The following CPXM2 variants were observed in gnomAD, a reference collection of about 807,000 sequenced individuals.
The protein encoded by CPXM2 is carboxypeptidase X, M14 family member 2.
A neutral mutation model predicts 86.1 loss-of-function variants in CPXM2; 66 were observed. The ratio of observed to expected loss-of-function variants is 0.77; its 90% confidence interval spans 0.63 to 0.94. The LOEUF (loss-of-function observed/expected upper bound fraction) is 0.94. Among genes scored for constraint, CPXM2 ranks in the 40% least tolerant of loss-of-function variants. The probability of loss-of-function intolerance (pLI) is 0.00; values close to 1 mark genes in which losing one functional copy is unlikely to be tolerated. For synonymous variants in CPXM2, 388 were observed against 400.2 expected, an observed-to-expected ratio of 0.97 and a Z score of 0.36; for missense variants, 948 against 1,026.3, an observed-to-expected ratio of 0.92 and a Z score of 1.04.
At chr10:123,806,291 T>C (rs1847577040) in intron 4 of CPXM2, among the ~76,000 whole-genome samples, 1 of 152,214 alleles carries the variant, frequency 6.6e-6, no homozygotes, top group Admixed American at 6.5e-5. Flanking sequence ...AAAATTTTGA[T>C]TTTATTGGCT....
At chr10:123,818,971 A>G (rs567280494) in intron 4 of CPXM2, among the ~76,000 whole-genome samples, 1 of 152,258 alleles carries the variant, frequency 6.6e-6, no homozygotes, top group East Asian at 1.9e-4. Context: ...TCCTGTTCCC[A>G]CGACATTACG....
intron 2 of CPXM2, among the ~76,000 whole-genome samples, chr10:123,920,332 G>A (rs991143268): frequency 1.3e-5 from 2 of 151,880 alleles, no homozygotes; most frequent in African/African-American, 4.8e-5. Flanking sequence ...TTCAGATGAA[G>A]GAAAACTAAG....
At chr10:123,879,373 T>C (rs1945044486) in intron 2 of CPXM2, among the ~76,000 whole-genome samples, 2 of 152,152 alleles carry the variant, frequency 1.3e-5, no homozygotes, top group African/African-American at 4.8e-5. Flanking sequence ...AATCAGAAAA[T>C]CTTGGGTTCA....
At chr10:123,937,470 A>AACAC (rs201368456) in intron 2 of CPXM2, among the ~76,000 whole-genome samples, 10,531 of 132,396 alleles carry the variant, frequency 0.08, 526 homozygotes, top group Non-Finnish European at 0.1. Flanking sequence ...ACAACAAAAC[A>AACAC]ACACACACAC....
intron 1 of CPXM2, among the ~76,000 whole-genome samples, chr10:123,881,990 A>G (rs1945100665): frequency 6.6e-6 from 1 of 152,262 alleles, no homozygotes. Context: ...CTGTGGAGAA[A>G]GAAACTTAGC....
At chr10:123,837,422 G>A (rs552907949) in intron 4 of CPXM2, among the ~76,000 whole-genome samples, 3 of 152,274 alleles carry the variant, frequency 2.0e-5, no homozygotes, top group Admixed American at 2.0e-4. Context: ...GAATCATTTT[G>A]TCGATTAAAG....
chr10:123,830,966 A>G (rs963470681), intron 4 of CPXM2, among the ~76,000 whole-genome samples: 1 of 151,386 alleles, frequency 6.6e-6, no homozygotes. Context: ...TGGCTCTGCC[A>G]TGTTCTCAGT....
At chr10:123,761,272 G>A (rs1430556808) in intron 11 of CPXM2, among the ~76,000 whole-genome samples, 2 of 152,184 alleles carry the variant, frequency 1.3e-5, no homozygotes, top group South Asian at 2.1e-4. Flanking sequence ...CCCGCTGGCC[G>A]CTGGAGGACA....
In CPXM2 at chr10:123,788,071, G is replaced by C. The variant is rs553088498; in HGVS notation, c.890-7816C>G. Among the ~76,000 whole-genome samples, 13 of 151,980 alleles carry C rather than the reference G, an allele frequency of 8.6e-5. No individual in the cohort carries two copies. In the South Asian group the frequency reaches 2.3e-3, roughly 27 times the overall value. On this transcript the variant is annotated intron_variant, in intron 6 of 13. Transcript: ENST00000241305. ...GAGGCGGGTGGATCACCTGAGGTAA[G>C]GAGTTCAAGACCAGCCTGGCCAACA...
At chr10:123,882,494 T>C (rs1945109028) in intron 1 of CPXM2, among the ~76,000 whole-genome samples, 1 of 152,152 alleles carries the variant, frequency 6.6e-6, no homozygotes, top group African/African-American at 2.4e-5. Context: ...TAACTTTTGA[T>C]AAGGCTGAGT....
chr10:123,886,563 A>G (rs1008023834), intron 1 of CPXM2, among the ~76,000 whole-genome samples: 2 of 152,170 alleles, frequency 1.3e-5, no homozygotes, highest in South Asian at 2.1e-4. Context: ...CCCCCTCTGC[A>G]AATTCCACGG....
chr10:123,868,793 G>C (rs1326313537), intron 2 of CPXM2, among the ~76,000 whole-genome samples: 1 of 152,056 alleles, frequency 6.6e-6, no homozygotes, highest in Non-Finnish European at 1.5e-5. Context: ...GTGACCGGCA[G>C]GTGCAGCAGA....
At chr10:123,849,181 G>GT (rs1554885102) in intron 3 of CPXM2, among the ~76,000 whole-genome samples, 2 of 152,018 alleles carry the variant, frequency 1.3e-5, no homozygotes, top group East Asian at 3.9e-4. Flanking sequence ...CTATTGATCG[G>GT]TTTTGTGTTT....
In CPXM2 at chr10:123,770,925, G is replaced by T; in HGVS notation, c.1093C>A (p.His365Asn). 1 of 1,609,500 alleles carries T rather than the reference G, an allele frequency of 6.2e-7. No individual in the cohort carries two copies. Among genetic ancestry groups the T allele is most frequent in the Non-Finnish European group, 8.5e-7 (1 of 1,178,738 alleles). ...GAGGGGCCCTTCTCACCGACTTCAT[G>T]CTCCCCAGGGTGATCTGAGATCTCC... ...AVEISDHPGE[H>N]EVGEPEFHYI... The change falls in exon 8 of 14, where the codon CAT (histidine) becomes AAT (asparagine). Residue 365 changes from histidine (H) to asparagine (N), a missense_variant. By Grantham distance (68) the His-to-Asn change is moderately conservative. Transcript: ENST00000241305.
intron 2 of CPXM2, among the ~76,000 whole-genome samples, chr10:123,874,186 G>A (rs76906393): frequency 0.04 from 6,137 of 152,056 alleles, 170 homozygotes; most frequent in East Asian, 0.11. Context: ...TCTAAAAGCC[G>A]AGAAGTCCAA....
At chr10:123,907,799 C>T (rs1945456114) in intron 2 of CPXM2, among the ~76,000 whole-genome samples, 1 of 152,166 alleles carries the variant, frequency 6.6e-6, no homozygotes, top group African/African-American at 2.4e-5. Context: ...GGCACCATCC[C>T]TGCCTTCATG....
intron 2 of CPXM2, among the ~76,000 whole-genome samples, chr10:123,867,866 T>C (rs1944821741): frequency 6.6e-6 from 1 of 152,144 alleles, no homozygotes; most frequent in South Asian, 2.1e-4. Flanking sequence ...CTACTCAATG[T>C]CCAAAATGAA....
intron 2 of CPXM2, among the ~76,000 whole-genome samples, chr10:123,902,117 G>A (rs1402807386): frequency 3.9e-5 from 6 of 152,182 alleles, no homozygotes. Context: ...CTCTTATTGG[G>A]GGTGAAGGGT....
At chr10:123,832,950 G>C (rs956330263) in intron 4 of CPXM2, among the ~76,000 whole-genome samples, 1 of 152,160 alleles carries the variant, frequency 6.6e-6, no homozygotes, top group Non-Finnish European at 1.5e-5. Flanking sequence ...TTCCGCCATG[G>C]GAGGAGGACA....
Sources: gnomAD v4.1 joint callset for allele counts (sites outside exome capture counted in the v4.1 genomes callset) on GRCh38, gnomAD v4.1.1 for gene constraint, MANE v1.5 for transcripts, NCBI Gene and HGNC (gene_info 2026-07-23, HGNC 2026-07-21) for gene names.